The following SH3BGR variants were observed in gnomAD, a reference collection of about 807,000 sequenced individuals.
SH3BGR encodes the protein SH3 domain-binding glutamic acid-rich protein.
SH3BGR carries 29 observed loss-of-function variants against 24.5 expected under a neutral mutation model. The ratio of observed to expected loss-of-function variants is 1.18; its 90% CI spans 0.88 to 1.61. The LOEUF (loss-of-function observed/expected upper bound fraction) is 1.61. SH3BGR is among the 40% of genes most tolerant of loss of function. The pLI is 0.00. For synonymous variants in SH3BGR, 55 were observed against 65.7 expected (o/e 0.84, Z 0.79); for missense variants, 162 against 205.8 (o/e 0.79, Z 1.30).
intron 3 of SH3BGR, among the ~76,000 whole-genome samples, chr21:39,481,811 G>A (rs867592663): frequency 6.6e-6 from 1 of 152,044 alleles, no homozygotes; most frequent in Non-Finnish European, 1.5e-5. Context: ...AAAATAACCC[G>A]TTTGCCAAAG....
chr21:39,455,854 G>T (rs1387084636), intron 1 of SH3BGR, among the ~76,000 whole-genome samples: 1 of 152,182 alleles, frequency 6.6e-6, no homozygotes, highest in Non-Finnish European at 1.5e-5. Context: ...GATTACAGGG[G>T]GCAAACAGAT....
intron 3 of SH3BGR, among the ~76,000 whole-genome samples, chr21:39,495,655 T>A (rs943406759): frequency 2.6e-5 from 4 of 151,784 alleles, no homozygotes; most frequent in Non-Finnish European, 4.4e-5. Flanking sequence ...AATAAAAAAA[T>A]TTTTTTTTGT....
At position 39,475,623 on chromosome 21, in the gene SH3BGR, C is replaced by G. The variant is rs188386090; in HGVS notation, c.312+408C>G. The stretch of plus-strand genomic sequence containing the variant: ...AATGATATATACCCTTACATTATTT[C>G]TATTTAAATGAACCAAACTACATTT... On this transcript the variant is annotated intron_variant, in intron 3 of 6. Coordinates refer to ENST00000333634, the MANE Select transcript of SH3BGR (RefSeq NM_007341.3). Among the ~76,000 whole-genome samples the G allele has an allele frequency of 1.7e-3, 262 of 152,264 alleles. 1 individual carries two copies. Among genetic ancestry groups the G allele is most frequent in the African/African-American group, 6.1e-3 (255 of 41,564 alleles).
intron 3 of SH3BGR, among the ~76,000 whole-genome samples, chr21:39,484,345 A>G (rs2078176117): frequency 6.6e-6 from 1 of 152,204 alleles, no homozygotes; most frequent in South Asian, 2.1e-4. Context: ...GGGGTACCAA[A>G]GTCAATGAAA....
intron 3 of SH3BGR, among the ~76,000 whole-genome samples, chr21:39,490,254 A>G (rs763699360): frequency 6.6e-6 from 1 of 152,234 alleles, no homozygotes; most frequent in Non-Finnish European, 1.5e-5. Flanking sequence ...AGCCAGCAAT[A>G]GTAAGGAAAG....
chr21:39,475,060 A>G (rs2078005068), intron 2 of SH3BGR, 75 bp from the exon 3 acceptor site: 2 of 927,830 alleles, frequency 2.2e-6, no homozygotes, highest in African/African-American at 1.6e-5. Context: ...TAAGAAATAC[A>G]AAAGATCAGT....
At chr21:39,470,642 G>T (rs981914998) in intron 2 of SH3BGR, among the ~76,000 whole-genome samples, 4 of 152,090 alleles carry the variant, frequency 2.6e-5, no homozygotes, top group Non-Finnish European at 5.9e-5. Context: ...CAGTATTTCA[G>T]TTGGCCTCTC....
At chr21:39,489,960 T>TA (rs2078272093) in intron 3 of SH3BGR, among the ~76,000 whole-genome samples, 1 of 152,064 alleles carries the variant, frequency 6.6e-6, no homozygotes, top group Admixed American at 6.5e-5. Flanking sequence ...AGAAAGGAGA[T>TA]ATAGGAAAAT....
At chr21:39,458,835 C>T (rs190583005) in intron 1 of SH3BGR, among the ~76,000 whole-genome samples, 186 of 151,816 alleles carry the variant, frequency 1.2e-3, no homozygotes, top group African/African-American at 3.8e-3. Context: ...TTAGTAGAGA[C>T]GAGGTTTTAC....
chr21:39,448,681 C>G (rs533547263), upstream of SH3BGR, among the ~76,000 whole-genome samples: 3 of 152,202 alleles, frequency 2.0e-5, no homozygotes, highest in South Asian at 6.2e-4. Flanking sequence ...AAACAAAAAA[C>G]AAACAACAAA....
intron 1 of SH3BGR, among the ~76,000 whole-genome samples, chr21:39,455,072 A>G (rs2077633304): frequency 6.6e-6 from 1 of 152,150 alleles, no homozygotes; most frequent in African/African-American, 2.4e-5. Context: ...TGTGCTTTAT[A>G]CTACAGTACA....
chr21:39,450,382 A>C (rs1040271655), upstream of SH3BGR, among the ~76,000 whole-genome samples: 1 of 152,204 alleles, frequency 6.6e-6, no homozygotes, highest in African/African-American at 2.4e-5. Context: ...ATTGTGATGT[A>C]GGGGCATTTA....
intron 3 of SH3BGR, chr21:39,488,351 C>T (rs141371587): frequency 6.3e-5 from 14 of 222,882 alleles, no homozygotes; most frequent in Non-Finnish European, 1.0e-4. Flanking sequence ...AGAACCAGAC[C>T]GCAGAGTTCA....
intron 3 of SH3BGR, among the ~76,000 whole-genome samples, chr21:39,475,946 A>C (rs1350263608): frequency 6.6e-6 from 1 of 152,236 alleles, no homozygotes; most frequent in Non-Finnish European, 1.5e-5. Flanking sequence ...AGTTTGAATG[A>C]GACAGCTGAG....
chr21:39,508,158 C>G (rs112926372), intron 4 of SH3BGR, among the ~76,000 whole-genome samples: 4 of 152,096 alleles, frequency 2.6e-5, no homozygotes, highest in African/African-American at 4.8e-5. Flanking sequence ...CAGTGCCCCC[C>G]GTCCATGATT....
chr21:39,462,686 A>G, intron 2 of SH3BGR, 126 bp downstream of exon 2: 3 of 561,244 alleles, frequency 5.3e-6, no homozygotes, highest in South Asian at 3.6e-5. Flanking sequence ...TATTTCTGCC[A>G]TCCAATAGCT....
chr21:39,473,608 G>A (rs927154464), intron 2 of SH3BGR, among the ~76,000 whole-genome samples: 1 of 152,050 alleles, frequency 6.6e-6, no homozygotes, highest in African/African-American at 2.4e-5. Flanking sequence ...CAGGAGGCTG[G>A]GCATGGTGGC....
intron 3 of SH3BGR, among the ~76,000 whole-genome samples, chr21:39,496,796 T>C (rs73370036): frequency 0.024 from 3,619 of 152,196 alleles, 152 homozygotes; most frequent in African/African-American, 0.083. Context: ...GTGAAGAACA[T>C]AGTTTAATTT....
intron 6 of SH3BGR, among the ~76,000 whole-genome samples, chr21:39,514,145 A>G (rs1269907060): frequency 1.3e-5 from 2 of 152,202 alleles, no homozygotes; most frequent in Non-Finnish European, 2.9e-5. Flanking sequence ...TGACTCCCGA[A>G]GAGAGTCAAT....
Sources: allele counts gnomAD v4.1 joint callset (sites outside exome capture counted in the v4.1 genomes callset), GRCh38; gene constraint gnomAD v4.1.1; transcripts MANE v1.5; gene names NCBI Gene and HGNC (gene_info 2026-07-23, HGNC 2026-07-21).